The following LRFN5 variants were observed in gnomAD, a reference collection of about 807,000 sequenced individuals.
LRFN5 encodes leucine rich repeat and fibronectin type III domain containing 5.
In LRFN5, 24 loss-of-function variants were observed where a neutral mutation model predicts 45.6. That is an observed-to-expected ratio of 0.53 (90% CI 0.38 to 0.74). The LOEUF (loss-of-function observed/expected upper bound fraction) is 0.74, where lower values mean the gene tolerates loss of function less well. LRFN5 is among the 30% of genes least tolerant of loss of function. The pLI, the probability that LRFN5 is intolerant of heterozygous loss-of-function variation, is 0.00. For synonymous variants in LRFN5, 340 were observed against 313.8 expected (o/e 1.08, Z -0.88); for missense variants, 776 against 861.5 (o/e 0.90, Z 1.24).
chr14:41,835,606 G>T (rs1230377655), intron 2 of LRFN5, among the ~76,000 whole-genome samples: 4 of 152,142 alleles, frequency 2.6e-5, no homozygotes, highest in South Asian at 4.1e-4. Flanking sequence ...TGCACCCACA[G>T]TACCAGCTAC....
chr14:41,852,201 T>C (rs1347033102), intron 2 of LRFN5, among the ~76,000 whole-genome samples: 1 of 151,912 alleles, frequency 6.6e-6, no homozygotes, highest in Admixed American at 6.6e-5. Context: ...GAAAGTACTC[T>C]ATGAACAAGA....
At chr14:41,725,107 T>G (rs1044428990) in intron 1 of LRFN5, among the ~76,000 whole-genome samples, 3 of 152,182 alleles carry the variant, frequency 2.0e-5, no homozygotes, top group African/African-American at 7.2e-5. Flanking sequence ...GAAATTGAGT[T>G]ATTGGCCCAT....
At chr14:41,775,904 G>A (rs963622404) in intron 2 of LRFN5, among the ~76,000 whole-genome samples, 1 of 151,960 alleles carries the variant, frequency 6.6e-6, no homozygotes, top group East Asian at 1.9e-4. Flanking sequence ...CAAAATTTTC[G>A]GTCAGATTTA....
chr14:41,834,335 CACTT>C (rs976557169), intron 2 of LRFN5, among the ~76,000 whole-genome samples: 40 of 152,232 alleles, frequency 2.6e-4, no homozygotes, highest in African/African-American at 7.7e-4. Flanking sequence ...TTCATTTACT[CACTT>C]ACTTACTTGC....
intron 1 of LRFN5, among the ~76,000 whole-genome samples, chr14:41,746,802 G>A (rs890648327): frequency 6.6e-6 from 1 of 151,910 alleles, no homozygotes; most frequent in African/African-American, 2.4e-5. Flanking sequence ...AGTAGAAAAT[G>A]CTAAAGAAAA....
At chr14:41,743,323 G>T (rs1884786613) in intron 1 of LRFN5, among the ~76,000 whole-genome samples, 1 of 147,810 alleles carries the variant, frequency 6.8e-6, no homozygotes, top group Admixed American at 6.8e-5. Flanking sequence ...AAATATACAT[G>T]GTGTATGCTA....
intron 1 of LRFN5, among the ~76,000 whole-genome samples, chr14:41,739,859 A>C (rs1342195973): frequency 8.6e-5 from 13 of 152,044 alleles, no homozygotes; most frequent in Non-Finnish European, 1.5e-5. Context: ...ATAAAATCCA[A>C]ATGGAAGGAA....
At chr14:41,791,067 T>C (rs1006601461) in intron 2 of LRFN5, among the ~76,000 whole-genome samples, 3 of 151,924 alleles carry the variant, frequency 2.0e-5, no homozygotes, top group Non-Finnish European at 4.4e-5. Context: ...TTTGTTGCTA[T>C]GCTATTTGGT....
At chr14:41,698,947 T>C (rs981139559) in intron 1 of LRFN5, among the ~76,000 whole-genome samples, 8 of 151,970 alleles carry the variant, frequency 5.3e-5, no homozygotes, top group African/African-American at 1.9e-4. Flanking sequence ...ATCAGAAAAT[T>C]TAATTATATC....
chr14:41,742,338 C>CAA (rs1884735862), intron 1 of LRFN5, among the ~76,000 whole-genome samples: 1 of 147,896 alleles, frequency 6.8e-6, no homozygotes, highest in South Asian at 2.1e-4. Flanking sequence ...CACACACACA[C>CAA]ACACACACTA....
At chr14:41,656,372 A>G (rs1270565500) in intron 1 of LRFN5, among the ~76,000 whole-genome samples, 3 of 152,024 alleles carry the variant, frequency 2.0e-5, no homozygotes, top group East Asian at 3.9e-4. Context: ...ATTTGAACGC[A>G]TTAGTTATTC....
chr14:41,837,400 A>G (rs1393683806), intron 2 of LRFN5, among the ~76,000 whole-genome samples: 1 of 152,068 alleles, frequency 6.6e-6, no homozygotes, highest in Non-Finnish European at 1.5e-5. Flanking sequence ...GAAGGACAGA[A>G]TCTACTTCCA....
intron 1 of LRFN5, among the ~76,000 whole-genome samples, chr14:41,678,411 G>C (rs1434699612): frequency 1.3e-5 from 2 of 151,924 alleles, no homozygotes; most frequent in African/African-American, 4.8e-5. Context: ...AAAACTAATA[G>C]AATTGCAGGG....
chr14:41,843,304 T>C lies in LRFN5; in HGVS notation c.-20-43302T>C, dbSNP rs1246847831. Among the ~76,000 whole-genome samples, 5 of 152,106 alleles carry C rather than the reference T, an allele frequency of 3.3e-5. No individual in the cohort carries two copies. In the East Asian group the frequency reaches 9.7e-4, roughly 29 times the overall value. On this transcript the variant is annotated intron_variant, in intron 2 of 5. Transcript: ENST00000298119. Reference sequence around the variant, plus strand: ...AGATGAGGTCTCACTATGTTTCCCATGGTGGTCGTGAACTCCTGGCCTCAA... The same window carrying C: ...AGATGAGGTCTCACTATGTTTCCCACGGTGGTCGTGAACTCCTGGCCTCAA...
intron 2 of LRFN5, among the ~76,000 whole-genome samples, chr14:41,784,076 A>G (rs1886632193): frequency 6.6e-6 from 1 of 152,020 alleles, no homozygotes; most frequent in East Asian, 1.9e-4. Flanking sequence ...TTAATCAAAA[A>G]CTAATTGACT....
chr14:41,862,951 G>A (rs552495521), intron 2 of LRFN5, among the ~76,000 whole-genome samples: 8 of 142,614 alleles, frequency 5.6e-5, no homozygotes, highest in East Asian at 2.3e-4. Flanking sequence ...TGCAAGCTCC[G>A]CCTCCCAGGT....
intron 2 of LRFN5, among the ~76,000 whole-genome samples, chr14:41,786,007 T>G (rs998808407): frequency 6.6e-6 from 1 of 150,388 alleles, no homozygotes; most frequent in Non-Finnish European, 1.5e-5. Flanking sequence ...ACTGGCATTG[T>G]TCCCTGCCCT....
chr14:41,613,677 A>C (rs536963553), intron 1 of LRFN5, among the ~76,000 whole-genome samples: 78 of 152,170 alleles, frequency 5.1e-4, no homozygotes, highest in African/African-American at 1.8e-3. Context: ...TAAATGATTA[A>C]GGTTTCAGCA....
chr14:41,848,623 A>T (rs1213352108), intron 2 of LRFN5, among the ~76,000 whole-genome samples: 1 of 152,070 alleles, frequency 6.6e-6, no homozygotes, highest in Non-Finnish European at 1.5e-5. Context: ...GACAAGAAAC[A>T]CTATGAATTG....
Sources: gnomAD v4.1 joint callset for allele counts (sites outside exome capture counted in the v4.1 genomes callset) on GRCh38, gnomAD v4.1.1 for gene constraint, MANE v1.5 for transcripts, NCBI Gene and HGNC (gene_info 2026-07-23, HGNC 2026-07-21) for gene names.